GNA11: variants seen among roughly 807,000 people sequenced by gnomAD.
GNA11 encodes guanine nucleotide-binding protein subunit alpha-11.
GNA11 carries 8 observed loss-of-function variants against 38.2 expected under a neutral mutation model. The ratio of observed to expected loss-of-function variants is 0.21; its 90% confidence interval spans 0.12 to 0.38. The LOEUF (loss-of-function observed/expected upper bound fraction) is 0.38, where lower values mean the gene tolerates loss of function less well. Ranked by LOEUF, GNA11 falls within the 10% of genes least tolerant of loss-of-function variation. The pLI is 1.00. For synonymous variants in GNA11, 211 were observed against 221.4 expected, an observed-to-expected ratio of 0.95 and a Z score of 0.42; for missense variants, 268 against 516.3, an observed-to-expected ratio of 0.52 and a Z score of 4.66.
rs1022439332 is a variant in GNA11, at chr19:3,110,001, C to T, written c.137-148C>T. 1.2e-5 allele frequency: 7 copies of T among 607,264 alleles called. No homozygotes were observed. Among genetic ancestry groups the T allele is most frequent in the Middle Eastern group, 4.4e-4 (1 of 2,260 alleles). 37.6% of individuals were successfully genotyped at this position (607,264 alleles called of 1,614,324 possible). A position where few individuals can be genotyped will look rare whatever the true frequency, so the allele number is the denominator to read the frequency against. On this transcript the variant is annotated intron_variant, in intron 1 of 6. Coordinates refer to ENST00000078429, the MANE Select transcript of GNA11 (RefSeq NM_002067.5). This position sits in a 1 kb window ranked among gnomAD's most constrained non-coding sequence, Gnocchi z 5.4. ...AACTCTTTCCGAGGAGTCAGGAGGC[C>T]GTGGCGTCTGGTGGAGAGACGGTCA... is the stretch of plus-strand genomic sequence containing the variant.
Position 3,110,862 on chromosome 19 carries a change from G to A in GNA11, c.321+529G>A, listed in dbSNP as rs1382676753. ...CGCCCAGGCTGGAGTGCAGTGGAATGGTCAAGGCTCATCACAGCCTGGACC... is the reference window on the plus strand; with the variant it reads ...CGCCCAGGCTGGAGTGCAGTGGAATAGTCAAGGCTCATCACAGCCTGGACC... On this transcript the variant is annotated intron_variant, in intron 2 of 6. Transcript: ENST00000078429. This position sits in a 1 kb window ranked among gnomAD's most constrained non-coding sequence, Gnocchi z 5.4. Among the ~76,000 whole-genome samples, 1 of 152,152 alleles carries A rather than the reference G, an allele frequency of 6.6e-6. No homozygotes were observed. Among genetic ancestry groups the A allele is most frequent in the Non-Finnish European group, 1.5e-5 (1 of 68,032 alleles).
Position 3,121,511 on chromosome 19 carries a change from C to CA in GNA11, c.*332_*333insA, listed in dbSNP as rs1394904035. ...AGCAACGAAACATAAAACACACAAGCGCCCCGTGCCCCCAGTGACTCTGGG... is the reference window on the plus strand; with the variant it reads ...AGCAACGAAACATAAAACACACAAGCAGCCCCGTGCCCCCAGTGACTCTGGG... On this transcript the variant is annotated 3_prime_UTR_variant, in exon 7 of 7. Coordinates refer to ENST00000078429, the MANE Select transcript of GNA11 (RefSeq NM_002067.5). 23 of 235,498 alleles carry CA rather than the reference C, an allele frequency of 9.8e-5. No homozygotes were observed. Among genetic ancestry groups the CA allele is most frequent in the Non-Finnish European group, 1.7e-4 (20 of 120,210 alleles). The allele number at this position is 235,498 out of a possible 1,614,324, so 14.6% of individuals were successfully genotyped here.
At position 3,122,110 on chromosome 19, in the gene GNA11, A is replaced by G; in HGVS notation, c.*931A>G. 2.1e-5 allele frequency: 5 copies of G among 233,188 alleles called. No homozygotes were observed. Among genetic ancestry groups the G allele is most frequent in the Non-Finnish European group, 4.2e-5 (5 of 117,768 alleles). The allele number at this position is 233,188 out of a possible 1,614,324, so 14.4% of individuals were successfully genotyped here. A position where few individuals can be genotyped will look rare whatever the true frequency, so the allele number is the denominator to read the frequency against. ...CCACGTGGGCTGGGCGGCTGGAGGGATGGTCCCCCGGTGACACTGGGAGAA... is the reference window on the plus strand; with the variant it reads ...CCACGTGGGCTGGGCGGCTGGAGGGGTGGTCCCCCGGTGACACTGGGAGAA... On this transcript the variant is annotated 3_prime_UTR_variant, in exon 7 of 7. Transcript: ENST00000078429. The surrounding 1 kb of genome is among the most constrained non-coding windows in gnomAD (Gnocchi z 7.7).
chr19:3,102,782 G>C (rs1024280332), intron 1 of GNA11, among the ~76,000 whole-genome samples: 4 of 152,212 alleles, frequency 2.6e-5, no homozygotes, highest in Non-Finnish European at 5.9e-5. Flanking sequence ...TCGGGCCCCT[G>C]CGTCAGGTTG....
rs897716743 is a variant in GNA11, at chr19:3,120,873, C to T, written c.890-116C>T. On this transcript the variant is annotated intron_variant, in intron 6 of 6. Coordinates refer to ENST00000078429, the MANE Select transcript of GNA11 (RefSeq NM_002067.5). The surrounding 1 kb of genome is among the most constrained non-coding windows in gnomAD (Gnocchi z 5.9). ...GTCAGGCATGCAGTGGGCTGGGGGT[C>T]GAGCTGGGTGGGCCGTGGGCCTTAC... The T allele has an allele frequency of 1.0e-5, 7 of 699,084 alleles. No individual in the cohort carries two copies. The highest frequency in any genetic ancestry group is 2.7e-5 in the Admixed American group (1 of 37,296). The allele number at this position is 699,084 out of a possible 1,614,324, so 43.3% of individuals were successfully genotyped here.
At chr19:3,107,213 G>T (rs988723451) in intron 1 of GNA11, among the ~76,000 whole-genome samples, 3 of 152,202 alleles carry the variant, frequency 2.0e-5, no homozygotes, top group African/African-American at 7.2e-5. Context: ...TCCAGCCTGG[G>T]CAACAGAGCA....
chr19:3,113,388 A>G lies in GNA11; in HGVS notation c.380A>G (p.Gln127Arg), dbSNP rs2145318614. The G allele has an allele frequency of 1.2e-6, 2 of 1,613,322 alleles. No individual in the cohort carries two copies. Among genetic ancestry groups the G allele is most frequent in the African/African-American group, 1.3e-5 (1 of 75,048 alleles). ...GAGAAGGTGACCACCTTCGAGCATCAGTACGTCAGTGCCATCAAGACCCTG... is the reference window on the plus strand; with the variant it reads ...GAGAAGGTGACCACCTTCGAGCATCGGTACGTCAGTGCCATCAAGACCCTG... ...DVEKVTTFEH[Q>R]YVSAIKTLWE... Residue 127 changes from glutamine (Q) to arginine (R), a missense_variant, in exon 3 of 7, where the codon CAG becomes CGG. Around this residue, in one of 3 missense-constraint regions of GNA11, gnomAD observed 151 missense variants for 254.0 expected, o/e 0.59. Transcript: ENST00000078429.
intron 4 of GNA11, among the ~76,000 whole-genome samples, chr19:3,116,478 A>T (rs893133354): frequency 6.8e-6 from 1 of 146,136 alleles, no homozygotes; most frequent in Non-Finnish European, 1.5e-5. Flanking sequence ...CATCCTTGGC[A>T]TCCTTGGCTT....
Position 3,103,203 on chromosome 19 carries a change from GTTAT to G in GNA11, c.137-6923_137-6920del, listed in dbSNP as rs201104739. 5.9e-5 allele frequency among the ~76,000 whole-genome samples: 9 copies of G among 151,774 alleles called. No homozygotes were observed. In the South Asian group the frequency reaches 6.2e-4, roughly 11 times the overall value. On this transcript the variant is annotated intron_variant, in intron 1 of 6. Coordinates refer to ENST00000078429, the MANE Select transcript of GNA11 (RefSeq NM_002067.5). ...TTGAATCTTTATATACTTTTTATTTGTTATTTATTTATTTATTTATTTATTTTTG... is the reference window on the plus strand; with the variant it reads ...TTGAATCTTTATATACTTTTTATTTGTTATTTATTTATTTATTTATTTTTG...
Position 3,123,439 on chromosome 19 carries a change from C to T in GNA11, c.*2260C>T, listed in dbSNP as rs1914136962. On this transcript the variant is annotated 3_prime_UTR_variant, in exon 7 of 7. Transcript: ENST00000078429. Reference sequence around the variant, plus strand: ...GAGTCCCAGGCAGTGGTTCTCGTGCCAGTGGCACCCAGGGGCAAGGACAGC... The same window carrying T: ...GAGTCCCAGGCAGTGGTTCTCGTGCTAGTGGCACCCAGGGGCAAGGACAGC... The T allele has an allele frequency of 4.3e-6, 1 of 233,246 alleles. No individual in the cohort carries two copies. The highest frequency in any genetic ancestry group is 2.2e-5 in the African/African-American group (1 of 45,360). 14.4% of individuals were successfully genotyped at this position (233,246 alleles called of 1,614,324 possible). A position where few individuals can be genotyped will look rare whatever the true frequency, so the allele number is the denominator to read the frequency against.
chr19:3,111,513 G>C (rs531368884), intron 2 of GNA11, among the ~76,000 whole-genome samples: 1 of 152,212 alleles, frequency 6.6e-6, no homozygotes, highest in Non-Finnish European at 1.5e-5. Flanking sequence ...CCTGTTCATG[G>C]CTGAGTCATG....
In GNA11 at chr19:3,119,018, G is replaced by A. The variant is rs2145326296; in HGVS notation, c.700G>A (p.Glu234Lys). Residue 234 changes from glutamate (E) to lysine (K), a missense_variant, in exon 5 of 7, where the codon GAA (glutamate) becomes AAA (lysine). This residue lies in a region of GNA11 where 25 missense variants were observed against 95.6 expected (regional missense o/e 0.26). Transcript: ENST00000078429. This position sits in a 1 kb window ranked among gnomAD's most constrained non-coding sequence, Gnocchi z 4.6. Reference sequence around the variant, plus strand: ...CATCATGTTTCTCGTCGCCCTCAGCGAATACGACCAAGTCCTGGTGGAGTC... The same window carrying A: ...CATCATGTTTCTCGTCGCCCTCAGCAAATACGACCAAGTCCTGGTGGAGTC... ...TSIMFLVALS[E>K]YDQVLVESDN... The A allele has an allele frequency of 1.2e-6, 2 of 1,613,940 alleles. No individual in the cohort carries two copies. The highest frequency in any genetic ancestry group is 8.5e-7 in the Non-Finnish European group (1 of 1,179,944).
At chr19:3,115,261 T>C in intron 4 of GNA11, 189 bp downstream of exon 4, 2 of 561,836 alleles carry the variant, frequency 3.6e-6, no homozygotes, top group Non-Finnish European at 6.2e-6. Flanking sequence ...AAAAATTAGC[T>C]GGGCGTGGTT....
intron 1 of GNA11, among the ~76,000 whole-genome samples, chr19:3,099,743 GT>G (rs1913456538): frequency 6.6e-6 from 1 of 152,214 alleles, no homozygotes; most frequent in South Asian, 2.1e-4. Context: ...TGCTGTGGGG[GT>G]TCCTGGTCCA....
rs1266061723 is a variant in GNA11, at chr19:3,121,516, C to CT, written c.*337_*338insT. On this transcript the variant is annotated 3_prime_UTR_variant, in exon 7 of 7. Transcript: ENST00000078429. Reference sequence around the variant, plus strand: ...CGAAACATAAAACACACAAGCGCCCCGTGCCCCCAGTGACTCTGGGCCTCA... The same window carrying CT: ...CGAAACATAAAACACACAAGCGCCCCTGTGCCCCCAGTGACTCTGGGCCTCA... 3.7e-5 allele frequency: 9 copies of CT among 244,962 alleles called. No homozygotes were observed. Among genetic ancestry groups the CT allele is most frequent in the Admixed American group, 2.7e-4 (5 of 18,584 alleles). 15.2% of individuals were successfully genotyped at this position (244,962 alleles called of 1,614,324 possible). A position where few individuals can be genotyped will look rare whatever the true frequency, so the allele number is the denominator to read the frequency against.
intron 3 of GNA11, 117 bp from the exon 4 acceptor site, chr19:3,114,827 G>T: frequency 1.0e-6 from 1 of 979,112 alleles, no homozygotes; most frequent in Non-Finnish European, 1.5e-6. Flanking sequence ...AGGTGGCGCA[G>T]TGCGCGGTCC....
chr19:3,100,120 C>CCTGGGATCTGGGAT (rs59712844), intron 1 of GNA11, among the ~76,000 whole-genome samples: 2 of 152,006 alleles, frequency 1.3e-5, no homozygotes, highest in East Asian at 3.9e-4. Flanking sequence ...GGGATCCTGC[C>CCTGGGATCTGGGAT]CTGGGATCTG....
At chr19:3,112,577 G>A (rs373071425) in intron 2 of GNA11, among the ~76,000 whole-genome samples, 2 of 152,260 alleles carry the variant, frequency 1.3e-5, no homozygotes, top group Non-Finnish European at 2.9e-5. Flanking sequence ...GTGTTCACAT[G>A]TGTGTGCAAG....
Position 3,094,843 on chromosome 19 carries a change from C to T in GNA11, c.136+56C>T. The T allele has an allele frequency of 7.4e-7, 1 of 1,347,462 alleles. No homozygotes were observed. Among genetic ancestry groups the T allele is most frequent in the South Asian group, 1.5e-5 (1 of 64,978 alleles). 83.5% of individuals were successfully genotyped at this position (1,347,462 alleles called of 1,614,324 possible). On this transcript the variant is annotated intron_variant, in intron 1 of 6. Transcript: ENST00000078429. The surrounding 1 kb of genome is among the most constrained non-coding windows in gnomAD (Gnocchi z 6.0). ...GGGCCCTGCCCTGCCTGTGCCTGCC[C>T]TGCCTGTCCGGGTCGGGCCGGGACC...
Sources: gnomAD v4.1 joint callset for allele counts (sites outside exome capture counted in the v4.1 genomes callset) on GRCh38, gnomAD v4.1.1 for gene constraint, gnomAD v4.1.1 regional missense constraint, Gnocchi (gnomAD v3.1) non-coding constraint, MANE v1.5 for transcripts, NCBI Gene and HGNC (gene_info 2026-07-23, HGNC 2026-07-21) for gene names.